Variants in ZPBP observed in about 807,000 individuals in gnomAD.
ZPBP encodes the protein zona pellucida-binding protein 1.
ZPBP carries 26 observed loss-of-function variants against 44.8 expected under a neutral mutation model. The observed-to-expected ratio is 0.58, with a 90% CI of 0.43 to 0.81. The LOEUF is 0.81. Ranked by LOEUF, ZPBP falls within the 30% of genes least tolerant of loss-of-function variation. The pLI, the probability that ZPBP is intolerant of heterozygous loss-of-function variation, is 0.00. For synonymous variants in ZPBP, 174 were observed against 153.2 expected, an observed-to-expected ratio of 1.14 and a Z score of -1.00; for missense variants, 409 against 434.0, an observed-to-expected ratio of 0.94 and a Z score of 0.51.
At chr7:49,911,480 CAAAAAAA>C (rs34782644) in intron 1 of ZPBP, among the ~76,000 whole-genome samples, 7 of 71,612 alleles carry the variant, frequency 9.8e-5, no homozygotes, top group African/African-American at 2.5e-4. Flanking sequence ...GACTCTGTCT[CAAAAAAA>C]AAAAAAAAAA....
chr7:50,030,016 C>T (rs774251335), intron 5 of ZPBP, among the ~76,000 whole-genome samples: 2 of 152,040 alleles, frequency 1.3e-5, no homozygotes, highest in African/African-American at 2.4e-5. Context: ...CCACCAGGCC[C>T]GGCTAATTTT....
intron 3 of ZPBP, among the ~76,000 whole-genome samples, chr7:50,071,569 C>G (rs781548431): frequency 3.9e-5 from 6 of 152,118 alleles, no homozygotes; most frequent in Non-Finnish European, 2.9e-5. Flanking sequence ...CACCCCTCCT[C>G]TAACCATAGG....
intron 1 of ZPBP, among the ~76,000 whole-genome samples, chr7:50,091,493 TGAATTAAG>T (rs1273341679): frequency 2.0e-5 from 3 of 152,222 alleles, no homozygotes; most frequent in African/African-American, 7.2e-5. Flanking sequence ...CAACTCAAGA[TGAATTAAG>T]GACTTAAATC....
intron 7 of ZPBP, among the ~76,000 whole-genome samples, chr7:49,959,044 A>G (rs916226117): frequency 6.6e-6 from 1 of 152,178 alleles, no homozygotes; most frequent in Non-Finnish European, 1.5e-5. Context: ...AGAGTCAATC[A>G]AAGCAAATTA....
chr7:49,966,886 A>C (rs1177457537), intron 7 of ZPBP, among the ~76,000 whole-genome samples: 1 of 152,122 alleles, frequency 6.6e-6, no homozygotes, highest in Non-Finnish European at 1.5e-5. Context: ...CCCATGGCAT[A>C]CACAGGAGAC....
chr7:49,928,448 G>A (rs971901832), intron 1 of ZPBP, among the ~76,000 whole-genome samples: 7 of 152,130 alleles, frequency 4.6e-5, no homozygotes, highest in African/African-American at 1.4e-4. Context: ...TGACAGACTG[G>A]TGTACTTCTC....
Position 49,873,365 on chromosome 7 carries a change from G to C in ZPBP, n.510-22851C>G, listed in dbSNP as rs7811866. ...CCACCTTGTAATGGAGGGAGAGCAG[G>C]AGCTCTCTTGGGCCTCTTTCATAAT... On this transcript the variant is annotated intron_variant and non_coding_transcript_variant, in intron 2 of 2. Transcript: ENST00000465922. 4.5e-3 allele frequency among the ~76,000 whole-genome samples: 684 copies of C among 152,216 alleles called. 4 individuals are homozygous for C. Among genetic ancestry groups the C allele is most frequent in the African/African-American group, 0.016 (648 of 41,542 alleles).
chr7:49,908,262 A>T (rs1174618762), intron 1 of ZPBP, among the ~76,000 whole-genome samples: 2 of 152,148 alleles, frequency 1.3e-5, no homozygotes, highest in Non-Finnish European at 2.9e-5. Flanking sequence ...ATAATGAGGC[A>T]TGTCCAACGC....
chr7:49,974,964 G>A lies in ZPBP; in HGVS notation c.961+8378C>T, dbSNP rs193064904. Among the ~76,000 whole-genome samples the A allele has an allele frequency of 2.2e-5, 3 of 135,832 alleles. No homozygotes were observed. In the East Asian group the frequency reaches 6.7e-4, roughly 30 times the overall value. 89.1% of individuals were successfully genotyped at this position (135,832 alleles called of 152,430 possible). On this transcript the variant is annotated intron_variant, in intron 7 of 7. Transcript: ENST00000046087. ...ATGGAGTGACTGGCTCCACAGCCTA[G>A]TGAGCAGTTGTGGGACCCACTTTGC...
intron 1 of ZPBP, among the ~76,000 whole-genome samples, chr7:49,928,426 T>A (rs1298972704): frequency 6.6e-6 from 1 of 152,220 alleles, no homozygotes; most frequent in Non-Finnish European, 1.5e-5. Flanking sequence ...CATCTCTCAT[T>A]CTTAACAAGG....
At chr7:49,940,495 T>C (rs1291809898) in intron 7 of ZPBP, among the ~76,000 whole-genome samples, 2 of 151,956 alleles carry the variant, frequency 1.3e-5, no homozygotes, top group Admixed American at 6.6e-5. Flanking sequence ...CAGAATGTAA[T>C]ACATTGAGAG....
At chr7:49,875,978 G>A (rs968720714) in intron 2 of ZPBP, among the ~76,000 whole-genome samples, 4 of 152,118 alleles carry the variant, frequency 2.6e-5, no homozygotes, top group African/African-American at 9.7e-5. Flanking sequence ...GTTGCATTGT[G>A]CTGGCACACT....
chr7:50,075,881 G>T (rs1802052059), intron 3 of ZPBP, among the ~76,000 whole-genome samples: 1 of 151,776 alleles, frequency 6.6e-6, no homozygotes, highest in African/African-American at 2.4e-5. Context: ...GAAGAAGAGG[G>T]AATATTTCCA....
chr7:50,005,255 C>A (rs916173214), intron 6 of ZPBP, among the ~76,000 whole-genome samples: 1 of 151,862 alleles, frequency 6.6e-6, no homozygotes, highest in African/African-American at 2.4e-5. Context: ...TAATTACCAC[C>A]AGCAGAGTGT....
chr7:49,957,332 T>G (rs1393577338), intron 7 of ZPBP, among the ~76,000 whole-genome samples: 1 of 152,186 alleles, frequency 6.6e-6, no homozygotes, highest in Non-Finnish European at 1.5e-5. Flanking sequence ...AGTCCTCTCA[T>G]CACAGGCCCA....
At chr7:49,869,022 GA>G (rs766503119) in intron 2 of ZPBP, among the ~76,000 whole-genome samples, 2 of 152,124 alleles carry the variant, frequency 1.3e-5, no homozygotes, top group African/African-American at 2.4e-5. Context: ...TATGAATTAA[GA>G]AAATATTAGT....
intron 7 of ZPBP, among the ~76,000 whole-genome samples, chr7:49,946,722 T>C (rs1396794151): frequency 6.6e-6 from 1 of 152,146 alleles, no homozygotes; most frequent in African/African-American, 2.4e-5. Context: ...TTCTTGTCCT[T>C]GAATACTGAT....
chr7:49,943,461 C>T, intron 7 of ZPBP: 2 of 453,732 alleles, frequency 4.4e-6, no homozygotes, highest in Non-Finnish European at 4.3e-6. Flanking sequence ...ATATCACAGA[C>T]CTCTTGCCAA....
chr7:50,036,298 C>T (rs1477069547), intron 4 of ZPBP, among the ~76,000 whole-genome samples: 7 of 152,240 alleles, frequency 4.6e-5, no homozygotes, highest in Non-Finnish European at 8.8e-5. Flanking sequence ...GGACTACAGG[C>T]GCCTGCCACT....
Sources: gnomAD v4.1 joint callset for allele counts (sites outside exome capture counted in the v4.1 genomes callset) on GRCh38, gnomAD v4.1.1 for gene constraint, MANE v1.5 for transcripts, NCBI Gene and HGNC (gene_info 2026-07-23, HGNC 2026-07-21) for gene names.